Variants in KCNJ6 observed in about 807,000 individuals in gnomAD.
KCNJ6 encodes potassium inwardly rectifying channel subfamily J member 6.
In KCNJ6, 9 loss-of-function variants were observed where a neutral mutation model predicts 34.2. The ratio of observed to expected loss-of-function variants is 0.26; its 90% CI spans 0.16 to 0.46. The LOEUF (loss-of-function observed/expected upper bound fraction) is 0.46. Ranked by LOEUF, KCNJ6 falls within the 20% of genes least tolerant of loss-of-function variation. The pLI is 1.00. For missense variants in KCNJ6, 236 were observed against 531.3 expected, an observed-to-expected ratio of 0.44 and a Z score of 5.46; for synonymous variants, 196 against 207.1, an observed-to-expected ratio of 0.95 and a Z score of 0.46.
chr21:37,717,741 C>A (rs983100563), intron 2 of KCNJ6, among the ~76,000 whole-genome samples: 1 of 152,240 alleles, frequency 6.6e-6, no homozygotes, highest in Non-Finnish European at 1.5e-5. Context: ...GGAGGCTGCC[C>A]AGCTGTGCAA....
At chr21:37,739,843 T>C (rs756068949) in intron 2 of KCNJ6, among the ~76,000 whole-genome samples, 2 of 152,082 alleles carry the variant, frequency 1.3e-5, no homozygotes, top group African/African-American at 2.4e-5. Context: ...CAGTGTACCA[T>C]TGGCTTGGGT....
At position 37,625,128 on chromosome 21, in the gene KCNJ6, GGAGAA is replaced by G; in HGVS notation, c.*26_*30del. The G allele has an allele frequency of 7.0e-7, 1 of 1,427,710 alleles. No homozygotes were observed. Among genetic ancestry groups the G allele is most frequent in the Non-Finnish European group, 9.8e-7 (1 of 1,017,444 alleles). The allele number at this position is 1,427,710 out of a possible 1,614,324, so 88.4% of individuals were successfully genotyped here. ...GAGACAAGGAAAGATTGTGTTGGGG[GGAGAA>G]GAGAAGGGTTTGCCCAGCTAGGGCA... On this transcript the variant is annotated 3_prime_UTR_variant, in exon 4 of 4. Transcript: ENST00000609713.
In KCNJ6 at chr21:37,686,759, G is replaced by A. The variant is rs991015693; in HGVS notation, c.946+27452C>T. Among the ~76,000 whole-genome samples, 24 of 152,070 alleles carry A rather than the reference G, an allele frequency of 1.6e-4. 2 individuals are homozygous for A. The highest frequency in any genetic ancestry group is 9.8e-4 in the Admixed American group (15 of 15,266). On this transcript the variant is annotated intron_variant, in intron 3 of 3. Coordinates refer to ENST00000609713, the MANE Select transcript of KCNJ6 (RefSeq NM_002240.5). ...TGGGATTACAGGCGTGAGCCACCGCGCCCAGCCTCTGTGTGAAGTCTTAAT... is the reference window on the plus strand; with the variant it reads ...TGGGATTACAGGCGTGAGCCACCGCACCCAGCCTCTGTGTGAAGTCTTAAT...
At chr21:37,706,776 A>G (rs2054722018) in intron 3 of KCNJ6, among the ~76,000 whole-genome samples, 1 of 152,272 alleles carries the variant, frequency 6.6e-6, no homozygotes, top group African/African-American at 2.4e-5. Flanking sequence ...AGATGTATCT[A>G]TAAGAACTAA....
chr21:37,852,861 C>A (rs959545708), intron 1 of KCNJ6, among the ~76,000 whole-genome samples: 7 of 152,088 alleles, frequency 4.6e-5, no homozygotes, highest in African/African-American at 1.7e-4. Flanking sequence ...AAATTCAGAA[C>A]TAAAAATTTT....
chr21:37,843,732 T>C (rs1014324663), intron 1 of KCNJ6, among the ~76,000 whole-genome samples: 3 of 152,184 alleles, frequency 2.0e-5, no homozygotes, highest in Non-Finnish European at 4.4e-5. Context: ...TTGATGAAAC[T>C]GAAGCCCAGG....
intron 1 of KCNJ6, among the ~76,000 whole-genome samples, chr21:37,890,673 A>G (rs973747946): frequency 2.6e-5 from 4 of 152,164 alleles, no homozygotes; most frequent in Non-Finnish European, 4.4e-5. Flanking sequence ...GTTGAAAAGA[A>G]CCATGCAATT....
intron 2 of KCNJ6, among the ~76,000 whole-genome samples, chr21:37,755,929 C>T (rs988846647): frequency 6.6e-6 from 1 of 152,226 alleles, no homozygotes; most frequent in African/African-American, 2.4e-5. Context: ...ATGCGGAATG[C>T]AGGCACTTTG....
intron 2 of KCNJ6, among the ~76,000 whole-genome samples, chr21:37,736,185 C>G (rs1601445554): frequency 2.8e-5 from 3 of 105,840 alleles, no homozygotes. Context: ...GTGTACCGAG[C>G]CCTGTGCTAG....
intron 3 of KCNJ6, among the ~76,000 whole-genome samples, chr21:37,663,852 G>T (rs1452372472): frequency 1.3e-5 from 2 of 152,150 alleles, no homozygotes; most frequent in African/African-American, 4.8e-5. Flanking sequence ...TACCTATGAA[G>T]AACACAATTA....
intron 2 of KCNJ6, among the ~76,000 whole-genome samples, chr21:37,822,439 G>A (rs186485132): frequency 1.1e-3 from 175 of 152,254 alleles, no homozygotes; most frequent in Middle Eastern, 6.8e-3. Context: ...GACAGCTCTG[G>A]GGCTCCTACA....
intron 3 of KCNJ6, among the ~76,000 whole-genome samples, chr21:37,698,407 G>T (rs1005338910): frequency 3.9e-5 from 6 of 152,296 alleles, no homozygotes; most frequent in African/African-American, 1.2e-4. Context: ...AGTGCGGGAG[G>T]GGGGCTCATG....
chr21:37,738,850 C>A (rs917486723), intron 2 of KCNJ6, among the ~76,000 whole-genome samples: 3 of 152,232 alleles, frequency 2.0e-5, no homozygotes, highest in Non-Finnish European at 4.4e-5. Context: ...AGCACCAATA[C>A]TCCCTAATAA....
intron 2 of KCNJ6, among the ~76,000 whole-genome samples, chr21:37,739,913 G>GAA (rs56660401): frequency 0.42 from 61,206 of 147,474 alleles, 12,932 homozygotes; most frequent in South Asian, 0.6. Context: ...CTTTAGGTTT[G>GAA]AAAAAAAAAA....
At chr21:37,910,951 AG>A (rs1344994114) in intron 1 of KCNJ6, among the ~76,000 whole-genome samples, 1 of 152,236 alleles carries the variant, frequency 6.6e-6, no homozygotes, top group Non-Finnish European at 1.5e-5. Flanking sequence ...GATTCAATTT[AG>A]TAACAAATAA....
chr21:37,748,733 C>A (rs905457927), intron 2 of KCNJ6, among the ~76,000 whole-genome samples: 5 of 152,334 alleles, frequency 3.3e-5, no homozygotes, highest in South Asian at 4.1e-4. Context: ...TTGCAATTTA[C>A]TTTTTGTTCA....
At chr21:37,803,681 C>T (rs943429789) in intron 2 of KCNJ6, among the ~76,000 whole-genome samples, 2 of 152,162 alleles carry the variant, frequency 1.3e-5, no homozygotes, top group Non-Finnish European at 2.9e-5. Flanking sequence ...GGTGGGCACA[C>T]ACCAGCAGGC....
chr21:37,651,710 T>C (rs2123388230), intron 3 of KCNJ6, among the ~76,000 whole-genome samples: 1 of 152,306 alleles, frequency 6.6e-6, no homozygotes. Flanking sequence ...ACATATGGAC[T>C]CCTGGAGAGG....
intron 1 of KCNJ6, among the ~76,000 whole-genome samples, chr21:37,857,258 C>A (rs2055569880): frequency 6.6e-6 from 1 of 152,104 alleles, no homozygotes; most frequent in South Asian, 2.1e-4. Flanking sequence ...AGAAATTGGG[C>A]CAGGATAAAG....
Sources: gnomAD v4.1 joint callset for allele counts (sites outside exome capture counted in the v4.1 genomes callset) on GRCh38, gnomAD v4.1.1 for gene constraint, MANE v1.5 for transcripts, NCBI Gene and HGNC (gene_info 2026-07-23, HGNC 2026-07-21) for gene names.